Variants in DNAH9 observed in about 807,000 individuals in gnomAD.
The protein encoded by DNAH9 is DNAH9 variant protein.
A neutral mutation model predicts 471.6 loss-of-function variants in DNAH9; 345 were observed. The ratio of observed to expected loss-of-function variants is 0.73; its 90% confidence interval spans 0.67 to 0.80. The LOEUF is 0.80. Among genes scored for constraint, DNAH9 ranks in the 30% least tolerant of loss-of-function variants. The probability of loss-of-function intolerance (pLI) is 0.00; values close to 1 mark genes in which losing one functional copy is unlikely to be tolerated. For synonymous variants in DNAH9, 2,093 were observed against 2,123.6 expected, an observed-to-expected ratio of 0.99 and a Z score of 0.40; for missense variants, 5,407 against 5,609.2, an observed-to-expected ratio of 0.96 and a Z score of 1.15.
At chr17:11,914,172 A>G (rs746008945) in intron 61 of DNAH9, among the ~76,000 whole-genome samples, 5 of 152,200 alleles carry the variant, frequency 3.3e-5, no homozygotes, top group Admixed American at 6.5e-5. Context: ...AAACATGTCA[A>G]ATTTCAGTTT....
intron 36 of DNAH9, among the ~76,000 whole-genome samples, chr17:11,764,755 T>C (rs145959808): frequency 0.014 from 2,136 of 152,222 alleles, 47 homozygotes; most frequent in African/African-American, 0.049. Context: ...ACATCAAATG[T>C]TCTTAGCACA....
intron 61 of DNAH9, among the ~76,000 whole-genome samples, chr17:11,910,981 ATTCT>A (rs1973775045): frequency 6.6e-6 from 1 of 151,980 alleles, no homozygotes; most frequent in Non-Finnish European, 1.5e-5. Flanking sequence ...ATTTTTTCTC[ATTCT>A]TTGGGTTTTC....
intron 17 of DNAH9, among the ~76,000 whole-genome samples, chr17:11,673,656 A>G (rs1336678971): frequency 4.2e-5 from 5 of 118,952 alleles, no homozygotes; most frequent in African/African-American, 9.9e-5. Context: ...AAAAAGTTTT[A>G]TGATGAAATA....
chr17:11,651,385 C>T (rs957073350), intron 13 of DNAH9, 61 bp downstream of exon 13: 3 of 1,501,970 alleles, frequency 2.0e-6, no homozygotes, highest in Non-Finnish European at 2.7e-6. Flanking sequence ...TAATAAAGTT[C>T]ATAGAACCTC....
chr17:11,869,260 G>T lies in DNAH9; in HGVS notation c.10053+7G>T. 6.2e-7 allele frequency: 1 copy of T among 1,612,760 alleles called. No homozygotes were observed. Among genetic ancestry groups the T allele is most frequent in the Non-Finnish European group, 8.5e-7 (1 of 1,179,476 alleles). ...CTCCCTTGCCAACCGCCTGGTGAGT[G>T]TAAGCCACAGCAGCCCGAGCTGTAA... On this transcript the variant is annotated splice_region_variant and intron_variant, in intron 51 of 68. Transcript: ENST00000262442.
chr17:11,913,399 A>G (rs1239618936), intron 61 of DNAH9, among the ~76,000 whole-genome samples: 4 of 152,044 alleles, frequency 2.6e-5, no homozygotes, highest in Admixed American at 2.6e-4. Context: ...AAGTTATATA[A>G]CTTGTTGATA....
rs34701859 is a variant in DNAH9 at position 11,604,027 on chromosome 17, CT to C, written c.418-4089del. On this transcript the variant is annotated intron_variant, in intron 1 of 68. Transcript: ENST00000262442. The stretch of plus-strand genomic sequence containing the variant: ...TGGTGCCTCCTCTTATTCCCCACTT[CT>C]TTTTTTTTTTTTGAGATGAAGTCTC... Among the ~76,000 whole-genome samples, 819 of 144,300 alleles carry C rather than the reference CT, an allele frequency of 5.7e-3. 27 individuals are homozygous for C. In the East Asian group the frequency reaches 0.087, roughly 15 times the overall value. 94.7% of individuals were successfully genotyped at this position (144,300 alleles called of 152,430 possible).
intron 67 of DNAH9, among the ~76,000 whole-genome samples, chr17:11,947,348 T>C (rs567882824): frequency 6.6e-6 from 1 of 152,330 alleles, no homozygotes; most frequent in African/African-American, 2.4e-5. Flanking sequence ...GACAACAGAC[T>C]GCCCAGAAAT....
chr17:11,715,349 T>A (rs1270321601), intron 26 of DNAH9, among the ~76,000 whole-genome samples: 3 of 152,128 alleles, frequency 2.0e-5, no homozygotes, highest in Non-Finnish European at 4.4e-5. Context: ...CCTGTAGAAG[T>A]TATTTGCCCA....
chr17:11,703,920 T>A (rs1351429450), intron 24 of DNAH9, among the ~76,000 whole-genome samples: 2 of 152,192 alleles, frequency 1.3e-5, no homozygotes, highest in East Asian at 1.9e-4. Context: ...CCCGTCACAA[T>A]TTCTAGAAGG....
At chr17:11,743,456 G>C (rs532645301) in intron 30 of DNAH9, among the ~76,000 whole-genome samples, 1 of 152,188 alleles carries the variant, frequency 6.6e-6, no homozygotes, top group South Asian at 2.1e-4. Context: ...CCACTTGCTA[G>C]AGTGATTATT....
At chr17:11,781,264 C>CCT in intron 39 of DNAH9, 90 bp downstream of exon 39, 1 of 1,375,376 alleles carries the variant, frequency 7.3e-7, no homozygotes, top group Non-Finnish European at 9.8e-7. Context: ...GAACGGCAAA[C>CCT]CTCAGCATAG....
At chr17:11,920,294 C>T (rs549987369) in intron 61 of DNAH9, among the ~76,000 whole-genome samples, 62 of 151,662 alleles carry the variant, frequency 4.1e-4, no homozygotes, top group Non-Finnish European at 7.2e-4. Flanking sequence ...CCTCAGCCTC[C>T]AAAAGTGCTG....
chr17:11,968,206 A>G (rs1976902601), intron 68 of DNAH9, among the ~76,000 whole-genome samples: 1 of 152,192 alleles, frequency 6.6e-6, no homozygotes, highest in Non-Finnish European at 1.5e-5. Context: ...TTGGGGAAAA[A>G]AAAAGAGGTT....
intron 48 of DNAH9, among the ~76,000 whole-genome samples, chr17:11,826,364 G>GC (rs1555604407): frequency 1.3e-5 from 2 of 151,212 alleles, no homozygotes; most frequent in South Asian, 2.1e-4. Context: ...AAGCTGGGGG[G>GC]GTAATTTTAG....
At chr17:11,925,287 C>T (rs1567554964) in intron 62 of DNAH9, 2 of 436,410 alleles carry the variant, frequency 4.6e-6, no homozygotes, top group Non-Finnish European at 9.1e-6. Flanking sequence ...AATGCAAAAG[C>T]CAGTCACTCC....
In DNAH9 at chr17:11,685,357, T is replaced by C. The variant is rs530487111; in HGVS notation, c.3744-4209T>C. ...AAACAGCTGGAAAACTGCATGTGTG[T>C]ATGGCTGGGATGCAGGAAGCAGGAG... On this transcript the variant is annotated intron_variant, in intron 19 of 68. Coordinates refer to ENST00000262442, the MANE Select transcript of DNAH9 (RefSeq NM_001372.4). Among the ~76,000 whole-genome samples the C allele has an allele frequency of 9.2e-5, 14 of 152,298 alleles. No individual in the cohort carries two copies. The South Asian group carries it at 2.9e-3, about 32-fold the overall frequency.
intron 12 of DNAH9, among the ~76,000 whole-genome samples, chr17:11,649,546 T>C (rs2150698714): frequency 6.6e-6 from 1 of 152,294 alleles, no homozygotes; most frequent in Non-Finnish European, 1.5e-5. Flanking sequence ...TTCTTTAGGA[T>C]AAAAGTCCAG....
intron 45 of DNAH9, among the ~76,000 whole-genome samples, chr17:11,821,478 T>C (rs529356865): frequency 6.6e-6 from 1 of 152,268 alleles, no homozygotes; most frequent in African/African-American, 2.4e-5. Flanking sequence ...TAGCTTGCTC[T>C]TTTTAAATAT....
Sources: allele counts gnomAD v4.1 joint callset (sites outside exome capture counted in the v4.1 genomes callset), GRCh38; gene constraint gnomAD v4.1.1; transcripts MANE v1.5; gene names NCBI Gene and HGNC (gene_info 2026-07-23, HGNC 2026-07-21).